The following ATP8A2 variants were observed in gnomAD, a reference collection of about 807,000 sequenced individuals.
ATP8A2 encodes ATPase phospholipid transporting 8A2, also known as phospholipid-transporting ATPase IB.
A neutral mutation model predicts 165.6 loss-of-function variants in ATP8A2; 100 were observed. That is an observed-to-expected ratio of 0.60 (90% CI 0.51 to 0.71). The LOEUF (loss-of-function observed/expected upper bound fraction) is 0.71. Ranked by LOEUF, ATP8A2 falls within the 30% of genes least tolerant of loss-of-function variation. The pLI is 0.00. For missense variants in ATP8A2, 1,227 were observed against 1,479.5 expected, an observed-to-expected ratio of 0.83 and a Z score of 2.80; for synonymous variants, 543 against 548.8, an observed-to-expected ratio of 0.99 and a Z score of 0.15.
intron 33 of ATP8A2, among the ~76,000 whole-genome samples, chr13:25,888,856 G>A (rs899462848): frequency 6.6e-6 from 1 of 152,130 alleles, no homozygotes; most frequent in African/African-American, 2.4e-5. Context: ...GGAAACTCTT[G>A]TCTCAAGAAA....
chr13:25,833,758 T>G (rs551559566), intron 28 of ATP8A2, among the ~76,000 whole-genome samples: 6 of 152,348 alleles, frequency 3.9e-5, no homozygotes, highest in Non-Finnish European at 8.8e-5. Flanking sequence ...AAACATGTAC[T>G]TTTCATGGAA....
chr13:25,681,533 C>G (rs1485968282), intron 24 of ATP8A2, among the ~76,000 whole-genome samples: 1 of 152,140 alleles, frequency 6.6e-6, no homozygotes, highest in Non-Finnish European at 1.5e-5. Flanking sequence ...GTTCAGTCCA[C>G]GCAGGGAAAC....
At chr13:25,709,262 A>G (rs61947329) in intron 25 of ATP8A2, among the ~76,000 whole-genome samples, 5,793 of 152,308 alleles carry the variant, frequency 0.038, 168 homozygotes, top group Middle Eastern at 0.1. Context: ...GGACACACCA[A>G]TCATTAAAGA....
chr13:25,676,433 A>G (rs945478582), intron 24 of ATP8A2, among the ~76,000 whole-genome samples: 2 of 152,138 alleles, frequency 1.3e-5, no homozygotes, highest in Non-Finnish European at 2.9e-5. Flanking sequence ...TAACCAGGTC[A>G]TCTCAGGGGT....
At chr13:25,900,429 G>A (rs1042659285) in intron 33 of ATP8A2, among the ~76,000 whole-genome samples, 26 of 152,172 alleles carry the variant, frequency 1.7e-4, no homozygotes, top group Admixed American at 1.4e-3. Context: ...TGTTTACGAA[G>A]GGATGTGTTG....
chr13:25,608,417 T>C (rs1232353012), intron 24 of ATP8A2, among the ~76,000 whole-genome samples: 1 of 152,218 alleles, frequency 6.6e-6, no homozygotes, highest in Non-Finnish European at 1.5e-5. Flanking sequence ...TGACAGTATG[T>C]TCTCTACTCT....
chr13:25,924,724 C>T (rs905531056), intron 33 of ATP8A2, among the ~76,000 whole-genome samples: 1 of 152,118 alleles, frequency 6.6e-6, no homozygotes, highest in African/African-American at 2.4e-5. Context: ...CAAATCTCAC[C>T]TTGAATTGTA....
chr13:25,859,827 T>A (rs1216398091), intron 30 of ATP8A2, among the ~76,000 whole-genome samples: 2 of 152,190 alleles, frequency 1.3e-5, no homozygotes, highest in Non-Finnish European at 2.9e-5. Flanking sequence ...TCATAAAGAA[T>A]ACCTGGAAAA....
chr13:25,657,588 A>G (rs752946703), intron 24 of ATP8A2, among the ~76,000 whole-genome samples: 4 of 152,208 alleles, frequency 2.6e-5, no homozygotes, highest in East Asian at 1.9e-4. Flanking sequence ...GCATAGCCCA[A>G]ATAAATCTTG....
At chr13:25,740,820 A>G (rs2043895271) in intron 25 of ATP8A2, among the ~76,000 whole-genome samples, 1 of 152,304 alleles carries the variant, frequency 6.6e-6, no homozygotes, top group Admixed American at 6.5e-5. Context: ...GTGTCAGCTA[A>G]TTTGAAGTGT....
chr13:25,520,680 A>G (rs563543654), intron 2 of ATP8A2, among the ~76,000 whole-genome samples: 1 of 146,506 alleles, frequency 6.8e-6, no homozygotes, highest in Non-Finnish European at 1.5e-5. Flanking sequence ...GGCTCATTGC[A>G]AGCTCCGCTT....
chr13:25,757,703 T>C (rs779519138), intron 25 of ATP8A2, among the ~76,000 whole-genome samples: 3 of 152,124 alleles, frequency 2.0e-5, no homozygotes, highest in Non-Finnish European at 4.4e-5. Context: ...GCATGAGAAG[T>C]AAAATCCTTT....
intron 24 of ATP8A2, among the ~76,000 whole-genome samples, chr13:25,599,903 T>C (rs1052551693): frequency 2.0e-5 from 3 of 152,214 alleles, no homozygotes; most frequent in Admixed American, 1.3e-4. Flanking sequence ...ATGCCAGTTT[T>C]TCACCTTTGG....
At chr13:25,994,963 C>T (rs1012726626) in intron 35 of ATP8A2, among the ~76,000 whole-genome samples, 6 of 151,902 alleles carry the variant, frequency 3.9e-5, no homozygotes, top group Non-Finnish European at 8.8e-5. Flanking sequence ...CTTCTTTAAA[C>T]TTTTGGTAAA....
At chr13:25,391,213 G>T (rs2033233899) in intron 1 of ATP8A2, among the ~76,000 whole-genome samples, 1 of 152,112 alleles carries the variant, frequency 6.6e-6, no homozygotes, top group Non-Finnish European at 1.5e-5. Context: ...TGGATATGAG[G>T]CTTCATCTGC....
chr13:25,897,983 T>G (rs1450807930), intron 33 of ATP8A2, among the ~76,000 whole-genome samples: 1 of 152,214 alleles, frequency 6.6e-6, no homozygotes, highest in Non-Finnish European at 1.5e-5. Context: ...GGTTCAAACT[T>G]CCTCCTTTAG....
intron 1 of ATP8A2, among the ~76,000 whole-genome samples, chr13:25,385,118 A>G (rs1470525989): frequency 1.3e-5 from 2 of 152,224 alleles, no homozygotes; most frequent in African/African-American, 2.4e-5. Flanking sequence ...CCCTTAACCC[A>G]GTGTCTTTAG....
intron 35 of ATP8A2, among the ~76,000 whole-genome samples, chr13:26,009,457 A>G (rs916504576): frequency 2.0e-5 from 3 of 152,182 alleles, no homozygotes; most frequent in African/African-American, 7.2e-5. Flanking sequence ...CCCAGCCCAC[A>G]CATCCAGGTT....
intron 32 of ATP8A2, among the ~76,000 whole-genome samples, chr13:25,861,934 G>C (rs1310391484): frequency 6.6e-6 from 1 of 152,156 alleles, no homozygotes; most frequent in Non-Finnish European, 1.5e-5. Flanking sequence ...TATTTTGTCT[G>C]TTCAGCCACT....
Sources: allele counts gnomAD v4.1 joint callset (sites outside exome capture counted in the v4.1 genomes callset), GRCh38; gene constraint gnomAD v4.1.1; transcripts MANE v1.5; gene names NCBI Gene and HGNC (gene_info 2026-07-23, HGNC 2026-07-21).